The following CCDC178 variants were observed in gnomAD, a reference collection of about 807,000 sequenced individuals.
CCDC178 encodes coiled-coil domain containing 178.
CCDC178 carries 126 observed loss-of-function variants against 117.4 expected under a neutral mutation model. The observed-to-expected ratio is 1.07, with a 90% CI of 0.93 to 1.24. The LOEUF (loss-of-function observed/expected upper bound fraction) is 1.24, where lower values mean the gene tolerates loss of function less well. Ranked by LOEUF, CCDC178 falls within the 50% of genes most tolerant of loss-of-function variation. CCDC178 has a pLI of 0.00. For synonymous variants in CCDC178, 283 were observed against 313.4 expected (o/e 0.90, Z 1.02); for missense variants, 1,030 against 986.9 (o/e 1.04, Z -0.59).
chr18:33,406,406 G>A (rs1015885580), intron 3 of CCDC178, among the ~76,000 whole-genome samples: 16 of 151,804 alleles, frequency 1.1e-4, no homozygotes, highest in African/African-American at 3.9e-4. Flanking sequence ...GAATATAGTG[G>A]GGCAAGTTTA....
intron 20 of CCDC178, among the ~76,000 whole-genome samples, 190 bp downstream of exon 20, chr18:33,211,706 A>G (rs976076973): frequency 6.6e-6 from 1 of 151,944 alleles, no homozygotes; most frequent in Non-Finnish European, 1.5e-5. Context: ...GAAAAGTACA[A>G]TATGCTCTAT....
intron 20 of CCDC178, among the ~76,000 whole-genome samples, chr18:33,179,243 T>C (rs1269861828): frequency 6.7e-6 from 1 of 148,748 alleles, no homozygotes; most frequent in Non-Finnish European, 1.5e-5. Context: ...AAATTATAAG[T>C]TAATCATTAC....
chr18:33,259,751 C>T (rs912593245), intron 14 of CCDC178, among the ~76,000 whole-genome samples: 1 of 151,928 alleles, frequency 6.6e-6, no homozygotes, highest in Non-Finnish European at 1.5e-5. Context: ...AACATAACTT[C>T]CATAATAATT....
chr18:33,217,641 A>C (rs1342307591), intron 18 of CCDC178, among the ~76,000 whole-genome samples: 1 of 151,972 alleles, frequency 6.6e-6, no homozygotes, highest in Non-Finnish European at 1.5e-5. Flanking sequence ...AATAAATGGT[A>C]ATTTGTATTT....
At chr18:33,223,539 A>C (rs2144626739) in intron 17 of CCDC178, among the ~76,000 whole-genome samples, 1 of 152,292 alleles carries the variant, frequency 6.6e-6, no homozygotes, top group Admixed American at 6.5e-5. Flanking sequence ...AATAGTAAGC[A>C]ATCACTACCA....
intron 2 of CCDC178, among the ~76,000 whole-genome samples, chr18:33,438,518 TACACACAC>T (rs113727839): frequency 2.0e-5 from 3 of 146,526 alleles, no homozygotes; most frequent in Admixed American, 6.9e-5. Flanking sequence ...ATATACGGCA[TACACACAC>T]ACACACACAC....
chr18:33,105,181 A>T (rs935841695), intron 20 of CCDC178, among the ~76,000 whole-genome samples: 3 of 151,808 alleles, frequency 2.0e-5, no homozygotes, highest in Middle Eastern at 3.4e-3. Flanking sequence ...ACATATTGGT[A>T]TGTGAAGAAA....
intron 21 of CCDC178, among the ~76,000 whole-genome samples, chr18:32,988,952 G>A (rs796573482): frequency 6.6e-6 from 1 of 152,168 alleles, no homozygotes; most frequent in African/African-American, 2.4e-5. Flanking sequence ...AATTACTAAA[G>A]AAATTGTATT....
At chr18:33,080,948 T>C (rs1283146386) in intron 21 of CCDC178, among the ~76,000 whole-genome samples, 1 of 151,620 alleles carries the variant, frequency 6.6e-6, no homozygotes, top group African/African-American at 2.4e-5. Flanking sequence ...GATGCAAAAA[T>C]ATAGAAAGTA....
At chr18:33,435,686 A>G (rs2064279588) in intron 2 of CCDC178, among the ~76,000 whole-genome samples, 1 of 150,446 alleles carries the variant, frequency 6.6e-6, no homozygotes, top group Non-Finnish European at 1.5e-5. Flanking sequence ...ATTATTTATA[A>G]TAATAATATT....
In CCDC178 at chr18:32,948,492, TG is replaced by T. The variant is rs1384531886; in HGVS notation, c.2524-10402del. Among the ~76,000 whole-genome samples, 41 of 152,228 alleles carry T rather than the reference TG, an allele frequency of 2.7e-4. No individual in the cohort carries two copies. In the Middle Eastern group the frequency reaches 0.024, roughly 88 times the overall value. Reference sequence around the variant, plus strand: ...CATCCAATCACTGTTAGCACATTGATGCTATATTATGCAAACTTACTAAGCT... The same window carrying T: ...CATCCAATCACTGTTAGCACATTGATCTATATTATGCAAACTTACTAAGCT... On this transcript the variant is annotated intron_variant, in intron 22 of 22. Coordinates refer to ENST00000383096, the MANE Select transcript of CCDC178 (RefSeq NM_001105528.4).
At chr18:33,308,829 G>A (rs1185503723) in intron 11 of CCDC178, among the ~76,000 whole-genome samples, 3 of 152,126 alleles carry the variant, frequency 2.0e-5, no homozygotes, top group Non-Finnish European at 4.4e-5. Context: ...GCCACCATGT[G>A]AAGAAGGATG....
At chr18:33,417,678 A>G (rs967488024) in intron 2 of CCDC178, among the ~76,000 whole-genome samples, 1 of 152,152 alleles carries the variant, frequency 6.6e-6, no homozygotes, top group African/African-American at 2.4e-5. Flanking sequence ...TGATGTTAGT[A>G]TAACATTGGG....
At chr18:33,159,680 A>T (rs1406920885) in intron 20 of CCDC178, among the ~76,000 whole-genome samples, 1 of 151,960 alleles carries the variant, frequency 6.6e-6, no homozygotes, top group African/African-American at 2.4e-5. Context: ...ATTTAATCAC[A>T]TCTTTAGAGT....
chr18:33,082,304 C>G (rs957926825), intron 21 of CCDC178, among the ~76,000 whole-genome samples: 2 of 152,060 alleles, frequency 1.3e-5, no homozygotes, highest in African/African-American at 4.8e-5. Flanking sequence ...AACTCCATCT[C>G]TACCAAAAGT....
chr18:33,229,057 A>T (rs2059341103), intron 15 of CCDC178, among the ~76,000 whole-genome samples: 1 of 152,080 alleles, frequency 6.6e-6, no homozygotes, highest in Admixed American at 6.6e-5. Flanking sequence ...TGTAAAGCTG[A>T]CTCTAGAGTT....
intron 22 of CCDC178, among the ~76,000 whole-genome samples, chr18:32,944,038 T>C (rs1057011056): frequency 2.0e-5 from 3 of 152,200 alleles, no homozygotes; most frequent in African/African-American, 4.8e-5. Flanking sequence ...GTGGAAGATA[T>C]TGTGGCTTAA....
chr18:33,380,348 T>C (rs1465250549), intron 5 of CCDC178, among the ~76,000 whole-genome samples: 1 of 152,198 alleles, frequency 6.6e-6, no homozygotes, highest in Non-Finnish European at 1.5e-5. Context: ...TAATTTCTGG[T>C]CTGAGACTAA....
intron 11 of CCDC178, among the ~76,000 whole-genome samples, chr18:33,315,996 CCT>C (rs1408323005): frequency 6.6e-6 from 1 of 152,220 alleles, no homozygotes; most frequent in Non-Finnish European, 1.5e-5. Flanking sequence ...ACACGTTCCT[CCT>C]CTTACTTTCA....
Sources: allele counts gnomAD v4.1 joint callset (sites outside exome capture counted in the v4.1 genomes callset), GRCh38; gene constraint gnomAD v4.1.1; transcripts MANE v1.5; gene names NCBI Gene and HGNC (gene_info 2026-07-23, HGNC 2026-07-21).